Variants in CACNA1G observed in about 807,000 individuals in gnomAD.
The protein encoded by CACNA1G is voltage-dependent T-type calcium channel subunit alpha-1G.
In CACNA1G, 67 loss-of-function variants were observed where a neutral mutation model predicts 219.4. The observed-to-expected ratio is 0.31, with a 90% CI of 0.25 to 0.37. The LOEUF (loss-of-function observed/expected upper bound fraction) is 0.37. Ranked by LOEUF, CACNA1G falls within the 10% of genes least tolerant of loss-of-function variation. The pLI is 1.00. For synonymous variants in CACNA1G, 1,296 were observed against 1,345.3 expected, an observed-to-expected ratio of 0.96 and a Z score of 0.80; for missense variants, 2,380 against 3,231.4, an observed-to-expected ratio of 0.74 and a Z score of 6.39.
At chr17:50,567,417 A>G (rs772888497) in intron 1 of CACNA1G, among the ~76,000 whole-genome samples, 72 of 152,162 alleles carry the variant, frequency 4.7e-4, no homozygotes, top group Non-Finnish European at 8.1e-4. Flanking sequence ...TTCATGGGCT[A>G]TGGGGGAGGG....
Position 50,626,430 on chromosome 17 carries a change from C to A in CACNA1G, c.6813C>A (p.Ala2271=). The A allele has an allele frequency of 6.2e-7, 1 of 1,608,138 alleles. No homozygotes were observed. Among genetic ancestry groups the A allele is most frequent in the Non-Finnish European group, 8.5e-7 (1 of 1,177,812 alleles). The change falls in exon 38 of 38, where the codon GCC becomes GCA. Residue 2271 remains alanine, a synonymous_variant. Coordinates refer to ENST00000359106, the MANE Select transcript of CACNA1G (RefSeq NM_018896.5). This position sits in a 1 kb window ranked among gnomAD's most constrained non-coding sequence, Gnocchi z 4.3. The part of the protein sequence containing the change: ...WLDEQRRHSI[A]VSCLDSGSQP... Reference sequence around the variant, plus strand: ...ATGAGCAGAGGAGACACTCTATCGCCGTCAGCTGCCTGGACAGCGGCTCCC... The same window carrying A: ...ATGAGCAGAGGAGACACTCTATCGCAGTCAGCTGCCTGGACAGCGGCTCCC...
intron 25 of CACNA1G, among the ~76,000 whole-genome samples, chr17:50,608,576 GCAAAAA>G (rs1227147995): frequency 2.7e-5 from 4 of 149,854 alleles, no homozygotes; most frequent in South Asian, 2.1e-4. Flanking sequence ...AAAAGAAAAA[GCAAAAA>G]CAAAAACAAA....
chr17:50,621,716 G>C lies in CACNA1G; in HGVS notation c.5982G>C (p.Pro1994=), dbSNP rs774523190. The change falls in exon 35 of 38, where the codon CCG becomes CCC. Residue 1994 remains proline, a synonymous_variant. Transcript: ENST00000359106. The surrounding 1 kb of genome is among the most constrained non-coding windows in gnomAD (Gnocchi z 4.6). ...TGACGTCAGAGATTGTGTCTGAACC[G>C]TCCTGCTCTCTAGCTCTGACGGATG... ...LSLTSEIVSE[P]SCSLALTDDS... 4.3e-6 allele frequency: 7 copies of C among 1,613,976 alleles called. No individual in the cohort carries two copies. In the South Asian group the frequency reaches 7.7e-5, roughly 18 times the overall value.
At chr17:50,614,540 C>A (rs1465514449) in intron 26 of CACNA1G, among the ~76,000 whole-genome samples, 1 of 152,264 alleles carries the variant, frequency 6.6e-6, no homozygotes, top group Non-Finnish European at 1.5e-5. Flanking sequence ...GGCAGCCCAA[C>A]CTTCTGGCTC....
chr17:50,615,646 G>A (rs960181998), intron 27 of CACNA1G, 134 bp downstream of exon 27: 2 of 897,026 alleles, frequency 2.2e-6, no homozygotes, highest in African/African-American at 3.3e-5. Context: ...TTCCTCTTGT[G>A]CCCCTTGGAG....
intron 9 of CACNA1G, among the ~76,000 whole-genome samples, chr17:50,585,012 G>T (rs1023227551): frequency 1.3e-5 from 2 of 152,188 alleles, no homozygotes; most frequent in South Asian, 4.1e-4. Context: ...ACTTACCTGG[G>T]CTGGGGCTGG....
At chr17:50,577,862 T>G (rs75998543) in intron 8 of CACNA1G, among the ~76,000 whole-genome samples, 137 of 152,206 alleles carry the variant, frequency 9.0e-4, no homozygotes, top group African/African-American at 3.3e-3. Context: ...TCCTGGCTTC[T>G]GGGAAGGGGA....
chr17:50,583,666 G>C (rs1320098155), intron 9 of CACNA1G, among the ~76,000 whole-genome samples: 2 of 151,380 alleles, frequency 1.3e-5, no homozygotes, highest in Non-Finnish European at 3.0e-5. Context: ...TGGTGGGGGT[G>C]GGGGGAGGTG....
chr17:50,568,005 T>C (rs955780004), intron 1 of CACNA1G, among the ~76,000 whole-genome samples: 5 of 152,196 alleles, frequency 3.3e-5, no homozygotes, highest in Admixed American at 6.5e-5. Context: ...GCTTGGGAGC[T>C]ATGCCCAGCA....
Position 50,623,952 on chromosome 17 carries a change from G to A in CACNA1G, c.6106G>A (p.Val2036Met). 6.2e-7 allele frequency: 1 copy of A among 1,613,342 alleles called. No homozygotes were observed. The highest frequency in any genetic ancestry group is 8.5e-7 in the Non-Finnish European group (1 of 1,179,840). ...GCTGCCAGGACCAGACTTACTGACTGTGCGGAAGTCTGGGGTCAGCCGAAC... is the reference window on the plus strand; with the variant it reads ...GCTGCCAGGACCAGACTTACTGACTATGCGGAAGTCTGGGGTCAGCCGAAC... The part of the protein sequence containing the change: ...TELPGPDLLT[V>M]RKSGVSRTHS... Residue 2036 changes from valine to methionine, a missense_variant, in exon 36 of 38, where the codon GTG (valine) becomes ATG (methionine). Val to Met is a conservative substitution (Grantham distance 21). Around this residue, in one of 17 missense-constraint regions of CACNA1G, gnomAD observed 672 missense variants for 670.5 expected, o/e 1.00. Coordinates refer to ENST00000359106, the MANE Select transcript of CACNA1G (RefSeq NM_018896.5).
At chr17:50,589,912 C>CTCTCTGTGTG (rs1326523232) in intron 9 of CACNA1G, among the ~76,000 whole-genome samples, 67 of 141,920 alleles carry the variant, frequency 4.7e-4, no homozygotes, top group African/African-American at 1.9e-3. Context: ...CTCTCTCTCT[C>CTCTCTGTGTG]TGTGTGTGTG....
intron 26 of CACNA1G, 73 bp downstream of exon 26, chr17:50,610,008 C>A (rs969195492): frequency 6.9e-7 from 1 of 1,453,786 alleles, no homozygotes; most frequent in South Asian, 1.2e-5. Flanking sequence ...CTCATTGATT[C>A]TATCCTCTTG....
intron 26 of CACNA1G, 89 bp from the exon 27 acceptor site, chr17:50,615,272 A>C: frequency 8.0e-7 from 1 of 1,248,306 alleles, no homozygotes; most frequent in Non-Finnish European, 1.1e-6. Context: ...TTCTGGCGTT[A>C]GAGGCTGGTG....
At position 50,577,060 on chromosome 17, in the gene CACNA1G, G is replaced by A. The variant is rs574706949; in HGVS notation, c.1924+734G>A. ...GCACGTGGGGAGCAGCGGGATATTCGTGGGGATGTTACGTGGGAATGTGGG... is the reference window on the plus strand; with the variant it reads ...GCACGTGGGGAGCAGCGGGATATTCATGGGGATGTTACGTGGGAATGTGGG... On this transcript the variant is annotated intron_variant, in intron 8 of 37. Transcript: ENST00000359106. 3.9e-5 allele frequency among the ~76,000 whole-genome samples: 6 copies of A among 152,356 alleles called. No homozygotes were observed. The East Asian group carries it at 5.8e-4, about 15-fold the overall frequency.
intron 7 of CACNA1G, among the ~76,000 whole-genome samples, chr17:50,574,785 T>C (rs968385942): frequency 1.3e-5 from 2 of 152,146 alleles, no homozygotes; most frequent in South Asian, 2.1e-4. Context: ...ATTTCCTTCA[T>C]TTGGGATTGT....
intron 25 of CACNA1G, 115 bp from the exon 26 acceptor site, chr17:50,609,767 G>A (rs2048787861): frequency 3.5e-6 from 3 of 851,298 alleles, no homozygotes; most frequent in African/African-American, 1.7e-5. Flanking sequence ...AATGGGCTCA[G>A]CGCACCCCAC....
intron 9 of CACNA1G, 31 bp from the exon 10 acceptor site, chr17:50,590,440 C>T: frequency 3.1e-6 from 5 of 1,612,404 alleles, no homozygotes; most frequent in Non-Finnish European, 4.2e-6. Flanking sequence ...AGTGATAAGC[C>T]AGCTGCCTCA....
Position 50,601,062 on chromosome 17 carries a change from T to G in CACNA1G, c.3803T>G (p.Leu1268Arg). The G allele has an allele frequency of 6.2e-7, 1 of 1,613,806 alleles. No homozygotes were observed. Among genetic ancestry groups the G allele is most frequent in the Non-Finnish European group, 8.5e-7 (1 of 1,179,784 alleles). Residue 1268 changes from leucine to arginine, a missense_variant, in exon 19 of 38, where the codon CTG (leucine) becomes CGG (arginine). Leu to Arg is a moderately radical substitution (Grantham distance 102, BLOSUM62 -2). Around this residue, in one of 17 missense-constraint regions of CACNA1G, gnomAD observed 418 missense variants for 434.3 expected, o/e 0.96. Coordinates refer to ENST00000359106, the MANE Select transcript of CACNA1G (RefSeq NM_018896.5). Reference protein sequence around the residue: ...IFPPQSRFRLLCHRIITHKMF... With the variant: ...IFPPQSRFRLRCHRIITHKMF... ...CCATGCCTGGGCAGGTTCCGCCTCCTGTGTCACCGGATCATCACCCACAAG... is the reference window on the plus strand; with the variant it reads ...CCATGCCTGGGCAGGTTCCGCCTCCGGTGTCACCGGATCATCACCCACAAG...
intron 13 of CACNA1G, among the ~76,000 whole-genome samples, chr17:50,594,398 G>A (rs1484432976): frequency 6.6e-6 from 1 of 152,226 alleles, no homozygotes; most frequent in African/African-American, 2.4e-5. Flanking sequence ...CTGAGAGCAT[G>A]AGACGTTATG....
Sources: allele counts gnomAD v4.1 joint callset (sites outside exome capture counted in the v4.1 genomes callset), GRCh38; gene constraint gnomAD v4.1.1; regional missense constraint gnomAD v4.1.1; non-coding constraint Gnocchi (gnomAD v3.1); transcripts MANE v1.5; gene names NCBI Gene and HGNC (gene_info 2026-07-23, HGNC 2026-07-21).